Variants in PTPN4 observed in about 807,000 individuals in gnomAD.
The protein encoded by PTPN4 is tyrosine-protein phosphatase non-receptor type 4.
Under a neutral mutation model 135.5 loss-of-function variants are expected in PTPN4, and 49 were observed. That is an observed-to-expected ratio of 0.36 (90% confidence interval 0.29 to 0.46). The LOEUF is 0.46. PTPN4 is among the 20% of genes least tolerant of loss of function. The probability of loss-of-function intolerance (pLI) is 1.00; values close to 1 mark genes in which losing one functional copy is unlikely to be tolerated. For synonymous variants in PTPN4, 333 were observed against 369.9 expected, an observed-to-expected ratio of 0.90 and a Z score of 1.14; for missense variants, 860 against 1,101.0, an observed-to-expected ratio of 0.78 and a Z score of 3.10.
At chr2:119,871,691 G>A (rs890312879) in intron 3 of PTPN4, among the ~76,000 whole-genome samples, 1 of 151,858 alleles carries the variant, frequency 6.6e-6, no homozygotes, top group African/African-American at 2.4e-5. Flanking sequence ...TTTTTGCTCT[G>A]TATGTGTGTG....
rs991268380 is a variant in PTPN4, at chr2:119,759,974, C to T, written c.-428C>T. The T allele has an allele frequency of 1.6e-5, 6 of 377,146 alleles. No individual in the cohort carries two copies. The highest frequency in any genetic ancestry group is 1.3e-4 in the African/African-American group (6 of 47,798). 23.4% of individuals were successfully genotyped at this position (377,146 alleles called of 1,614,324 possible). On this transcript the variant is annotated 5_prime_UTR_variant, in exon 1 of 27. Coordinates refer to ENST00000263708, the MANE Select transcript of PTPN4 (RefSeq NM_002830.4). Reference sequence around the variant, plus strand: ...AGTGCGCTTTTCCGCTCCTCGCGCCCCACCACCAACATTGTTCTCTCAGGA... The same window carrying T: ...AGTGCGCTTTTCCGCTCCTCGCGCCTCACCACCAACATTGTTCTCTCAGGA...
chr2:119,961,041 G>T, intron 23 of PTPN4, 88 bp downstream of exon 23: 1 of 1,381,724 alleles, frequency 7.2e-7, no homozygotes, highest in Non-Finnish European at 9.6e-7. Context: ...ATTTATTTAA[G>T]CCTTTGTAAC....
At chr2:119,797,544 G>C (rs1035371703) in intron 1 of PTPN4, among the ~76,000 whole-genome samples, 3 of 152,182 alleles carry the variant, frequency 2.0e-5, no homozygotes, top group African/African-American at 7.2e-5. Context: ...GTTTTCTGTA[G>C]ATGTCCTTTA....
At chr2:119,765,481 A>G (rs929809918) in intron 1 of PTPN4, among the ~76,000 whole-genome samples, 9 of 152,178 alleles carry the variant, frequency 5.9e-5, no homozygotes, top group Non-Finnish European at 8.8e-5. Context: ...TTTTGGGAAG[A>G]AAAAAATGCT....
In PTPN4 at chr2:119,842,111, G is replaced by A. The variant is rs570896542; in HGVS notation, c.139-20425G>A. ...GTAGATTTTAATCTGTTATGCAGAGGAGTAGAGTGAAACTCAGAAAGATAA... is the reference window on the plus strand; with the variant it reads ...GTAGATTTTAATCTGTTATGCAGAGAAGTAGAGTGAAACTCAGAAAGATAA... On this transcript the variant is annotated intron_variant, in intron 2 of 26. Coordinates refer to ENST00000263708, the MANE Select transcript of PTPN4 (RefSeq NM_002830.4). Among the ~76,000 whole-genome samples, 6 of 152,312 alleles carry A rather than the reference G, an allele frequency of 3.9e-5. No individual in the cohort carries two copies. In the South Asian group the frequency reaches 1.2e-3, roughly 32 times the overall value.
At position 119,956,884 on chromosome 2, in the gene PTPN4, C is replaced by T. The variant is rs199504631; in HGVS notation, c.2021C>T (p.Ala674Val). The T allele has an allele frequency of 6.2e-7, 1 of 1,607,136 alleles. No homozygotes were observed. Among genetic ancestry groups the T allele is most frequent in the Non-Finnish European group, 8.5e-7 (1 of 1,178,356 alleles). The change falls in exon 21 of 27, where the codon GCC (alanine) becomes GTC (valine). Residue 674 changes from alanine to valine, a missense_variant. Ala to Val is a moderately conservative substitution (Grantham distance 64). Coordinates refer to ENST00000263708, the MANE Select transcript of PTPN4 (RefSeq NM_002830.4). ...RKKPGMTMSC[A>V]KLPQNISKNR... is the part of the protein sequence containing the mutation. ...AAACCTGGAATGACAATGTCCTGTG[C>T]CAAATTACCTCAGAATATTTCCAAA... is the stretch of plus-strand genomic sequence containing the variant.
At chr2:119,929,690 TAGAC>T (rs1314448669) in intron 13 of PTPN4, among the ~76,000 whole-genome samples, 1 of 152,146 alleles carries the variant, frequency 6.6e-6, no homozygotes, top group African/African-American at 2.4e-5. Flanking sequence ...ACAGGAAACA[TAGAC>T]AGCAAGCTTG....
At chr2:119,783,529 A>G (rs1287698705) in intron 1 of PTPN4, among the ~76,000 whole-genome samples, 2 of 152,308 alleles carry the variant, frequency 1.3e-5, no homozygotes, top group East Asian at 1.9e-4. Context: ...GATACCTTCA[A>G]TTAGTTTAGG....
At chr2:119,910,676 T>G (rs944370419) in intron 10 of PTPN4, among the ~76,000 whole-genome samples, 4 of 152,140 alleles carry the variant, frequency 2.6e-5, no homozygotes, top group African/African-American at 9.7e-5. Flanking sequence ...TGAGTGAGTC[T>G]CATGATATCT....
At chr2:119,897,585 T>C (rs1406240278) in intron 9 of PTPN4, among the ~76,000 whole-genome samples, 1 of 152,242 alleles carries the variant, frequency 6.6e-6, no homozygotes, top group African/African-American at 2.4e-5. Flanking sequence ...ATAGTACTTA[T>C]AATTACCATA....
chr2:119,804,748 A>G (rs1475630022), intron 1 of PTPN4, among the ~76,000 whole-genome samples: 1 of 152,174 alleles, frequency 6.6e-6, no homozygotes, highest in East Asian at 1.9e-4. Flanking sequence ...ATACACGTGT[A>G]TGTGTCTTTA....
At chr2:119,815,857 T>C (rs771914268) in intron 2 of PTPN4, among the ~76,000 whole-genome samples, 6 of 152,230 alleles carry the variant, frequency 3.9e-5, no homozygotes, top group Admixed American at 2.0e-4. Flanking sequence ...TTTTGTAATA[T>C]GTATAATGCA....
At chr2:119,889,244 C>A (rs539933910) in intron 9 of PTPN4, among the ~76,000 whole-genome samples, 1 of 152,138 alleles carries the variant, frequency 6.6e-6, no homozygotes, top group African/African-American at 2.4e-5. Flanking sequence ...GCGGTGAAAC[C>A]CCGTCTCTAC....
chr2:119,833,614 CTG>C (rs1677250277), intron 2 of PTPN4, among the ~76,000 whole-genome samples: 1 of 152,088 alleles, frequency 6.6e-6, no homozygotes, highest in Non-Finnish European at 1.5e-5. Flanking sequence ...AGTGTTAACT[CTG>C]TGAATCACCT....
intron 12 of PTPN4, among the ~76,000 whole-genome samples, chr2:119,921,979 G>A (rs747944713): frequency 2.6e-5 from 4 of 152,068 alleles, no homozygotes; most frequent in Admixed American, 1.3e-4. Flanking sequence ...TAGGTACAAA[G>A]AAATGAGTAG....
rs181949068 is a variant in PTPN4 at position 119,782,329 on chromosome 2, G to A, written c.-18+21945G>A. Among the ~76,000 whole-genome samples, 492 of 152,188 alleles carry A rather than the reference G, an allele frequency of 3.2e-3. 2 individuals carry two copies. The highest frequency in any genetic ancestry group is 0.011 in the African/African-American group (465 of 41,518). On this transcript the variant is annotated intron_variant, in intron 1 of 26. Coordinates refer to ENST00000263708, the MANE Select transcript of PTPN4 (RefSeq NM_002830.4). ...AGATACTCAGGAGGCTGAGGCAGGAGAATTGCTTGAACCTGGGAGGCAGAG... is the reference window on the plus strand; with the variant it reads ...AGATACTCAGGAGGCTGAGGCAGGAAAATTGCTTGAACCTGGGAGGCAGAG...
At chr2:119,913,221 A>G (rs1447522331) in intron 10 of PTPN4, among the ~76,000 whole-genome samples, 1 of 152,132 alleles carries the variant, frequency 6.6e-6, no homozygotes, top group Non-Finnish European at 1.5e-5. Flanking sequence ...TCATGAGTGT[A>G]TATATCTAGG....
At chr2:119,976,333 C>T (rs1435209822) in intron 26 of PTPN4, among the ~76,000 whole-genome samples, 1 of 151,268 alleles carries the variant, frequency 6.6e-6, no homozygotes, top group Non-Finnish European at 1.5e-5. Flanking sequence ...TCTTCCATTG[C>T]TTTTTTTTTC....
At chr2:119,889,985 A>G (rs1678217989) in intron 9 of PTPN4, among the ~76,000 whole-genome samples, 1 of 152,220 alleles carries the variant, frequency 6.6e-6, no homozygotes. Flanking sequence ...AATAATGCAT[A>G]TTCTGCATTG....
Sources: allele counts gnomAD v4.1 joint callset (sites outside exome capture counted in the v4.1 genomes callset), GRCh38; gene constraint gnomAD v4.1.1; transcripts MANE v1.5; gene names NCBI Gene and HGNC (gene_info 2026-07-23, HGNC 2026-07-21).